The following CFAP410 variants were observed in gnomAD, a reference collection of about 807,000 sequenced individuals.
CFAP410 encodes the protein cilia- and flagella-associated protein 410.
In CFAP410, 27 loss-of-function variants were observed where a neutral mutation model predicts 25.7. The observed-to-expected ratio is 1.05, with a 90% CI of 0.77 to 1.45. The LOEUF is 1.45. CFAP410 is among the 40% of genes most tolerant of loss of function. The probability of loss-of-function intolerance (pLI) is 0.00; values close to 1 mark genes in which losing one functional copy is unlikely to be tolerated. For missense variants in CFAP410, 428 were observed against 354.1 expected, an observed-to-expected ratio of 1.21 and a Z score of -1.67; for synonymous variants, 178 against 158.4, an observed-to-expected ratio of 1.12 and a Z score of -0.93.
chr21:44,339,066 GCCCCGGCTCCTCCCCCCA>G (rs2047816898), intron 1 of CFAP410, 34 bp downstream of exon 1: 2 of 1,091,366 alleles, frequency 1.8e-6, no homozygotes, highest in South Asian at 2.0e-5. Context: ...CCCTCGCCCC[GCCCCGGCTCCTCCCCCCA>G]CCCCGGGGCG....
chr21:44,333,973 G>A (rs551692194), intron 3 of CFAP410: 2 of 396,466 alleles, frequency 5.0e-6, no homozygotes, highest in African/African-American at 2.0e-5. Context: ...GCAGCCTGCC[G>A]TCCTGAGCCC....
At position 44,330,315 on chromosome 21, in the gene CFAP410, A is replaced by G. The variant is rs2146054003; in HGVS notation, c.654T>C (p.Thr218=). The G allele has an allele frequency of 6.2e-7, 1 of 1,610,554 alleles. No homozygotes were observed. The highest frequency in any genetic ancestry group is 1.1e-5 in the South Asian group (1 of 90,952). The change falls in exon 7 of 7, where the codon ACT becomes ACC. Residue 218 remains threonine (T), a synonymous_variant. Transcript: ENST00000339818. ...GCTCCCGCAGCAGCAGCAGGATGGC[A>G]GTCAGGACGTTCTGAGGGCAGAGGG... The part of the protein sequence containing the change: ...SSSHRGRNVL[T]AILLLLRELD...
At chr21:44,333,691 G>A (rs557362272) in intron 3 of CFAP410, 2 of 302,790 alleles carry the variant, frequency 6.6e-6, no homozygotes, top group South Asian at 3.5e-5. Flanking sequence ...AGTGAGCACG[G>A]ACCTTCCAAA....
intron 3 of CFAP410, chr21:44,333,601 A>T (rs2047693937): frequency 4.6e-6 from 2 of 430,278 alleles, no homozygotes; most frequent in Non-Finnish European, 8.4e-6. Flanking sequence ...CTCTCAGGGG[A>T]CATATCATGT....
intron 5 of CFAP410, chr21:44,331,493 C>T (rs2047647253): frequency 3.0e-6 from 1 of 331,434 alleles, no homozygotes; most frequent in Non-Finnish European, 5.6e-6. Flanking sequence ...TGCCCACAAA[C>T]CATTCCAGTC....
At chr21:44,333,487 C>T in intron 3 of CFAP410, 2 of 590,304 alleles carry the variant, frequency 3.4e-6, no homozygotes, top group South Asian at 4.2e-5. Flanking sequence ...TGGACCCCAC[C>T]AGCAACAGCC....
chr21:44,331,419 CAG>C (rs1280610631), intron 5 of CFAP410: 6 of 251,058 alleles, frequency 2.4e-5, no homozygotes, highest in Non-Finnish European at 4.6e-5. Context: ...CGTCTCACTG[CAG>C]AGTCAGCCCT....
chr21:44,331,662 A>G, intron 5 of CFAP410, 181 bp downstream of exon 5: 1 of 605,336 alleles, frequency 1.7e-6, no homozygotes, highest in East Asian at 3.2e-5. Context: ...TGCCACTGAA[A>G]TCACTACCTG....
rs770130993 is a variant in CFAP410 at position 44,331,997 on chromosome 21, GCTC to G, written c.388_390del (p.Glu130del). ...TCTCCCTCACTCAGTGCACGGGACA[GCTC>G]CTCCTCCGTCACAGCTTTGGGATGA... is the stretch of plus-strand genomic sequence containing the variant. On this transcript the variant is annotated inframe_deletion, in exon 5 of 7. Transcript: ENST00000339818. 4 of 1,603,338 alleles carry G rather than the reference GCTC, an allele frequency of 2.5e-6. No individual in the cohort carries two copies. In the South Asian group the frequency reaches 3.3e-5, roughly 13 times the overall value.
At position 44,335,918 on chromosome 21, in the gene CFAP410, G is replaced by A. The variant is rs994841061; in HGVS notation, c.97-114C>T. On this transcript the variant is annotated intron_variant, in intron 2 of 6. Coordinates refer to ENST00000339818, the MANE Select transcript of CFAP410 (RefSeq NM_004928.3). ...CGGCCAACCCACTTCCGGGGCCTGAGGGGCACGGCCTTACTCAGCCAGTGT... is the reference window on the plus strand; with the variant it reads ...CGGCCAACCCACTTCCGGGGCCTGAAGGGCACGGCCTTACTCAGCCAGTGT... The A allele has an allele frequency of 6.3e-6, 5 of 792,592 alleles. No homozygotes were observed. In the African/African-American group the frequency reaches 8.5e-5, roughly 13 times the overall value. 49.1% of individuals were successfully genotyped at this position (792,592 alleles called of 1,614,324 possible).
At chr21:44,332,944 G>C (rs997731276) in intron 4 of CFAP410, 89 bp downstream of exon 4, 1 of 867,792 alleles carries the variant, frequency 1.2e-6, no homozygotes, top group Non-Finnish European at 1.8e-6. Flanking sequence ...CCAGGTATTT[G>C]CAGAAAAGGA....
At chr21:44,332,677 G>T (rs1284036810) in intron 4 of CFAP410, 3 of 288,450 alleles carry the variant, frequency 1.0e-5, no homozygotes, top group South Asian at 6.9e-5. Flanking sequence ...GATGCTGCTT[G>T]CCAGATACTG....
chr21:44,331,207 C>T (rs774926631), intron 5 of CFAP410: 1 of 512,662 alleles, frequency 2.0e-6, no homozygotes, highest in Non-Finnish European at 3.5e-6. Context: ...GTGGGGGGCA[C>T]CCGAACACAC....
chr21:44,338,302 G>A (rs1006457344), intron 1 of CFAP410: 9 of 1,288,984 alleles, frequency 7.0e-6, no homozygotes, highest in African/African-American at 6.1e-5. Context: ...CCGCCTGCAC[G>A]GTGAGGCCAG....
chr21:44,334,096 G>C (rs1249153391), intron 3 of CFAP410: 1 of 456,218 alleles, frequency 2.2e-6, no homozygotes, highest in Admixed American at 2.3e-5. Context: ...CTCTTTCCAG[G>C]ATGGGGTCTG....
Position 44,333,188 on chromosome 21 carries a change from C to T in CFAP410, c.218G>A (p.Arg73His), listed in dbSNP as rs140451304. 2.5e-5 allele frequency: 40 copies of T among 1,612,638 alleles called. No individual in the cohort carries two copies. The highest frequency in any genetic ancestry group is 1.6e-4 in the Middle Eastern group (1 of 6,082). Reference protein sequence around the residue: ...RLSELYLRRNRIPSLAELFYL... With the variant: ...RLSELYLRRNHIPSLAELFYL... ...GAAGAGCTCAGCCAGGCTGGGGATGCGGTTCCTCCGCAGGTACAGCTCACT... is the reference window on the plus strand; with the variant it reads ...GAAGAGCTCAGCCAGGCTGGGGATGTGGTTCCTCCGCAGGTACAGCTCACT... The change falls in exon 4 of 7, where the codon CGC becomes CAC. Residue 73 changes from arginine (R) to histidine (H), a missense_variant. Arg to His is a conservative substitution (Grantham distance 29). Coordinates refer to ENST00000339818, the MANE Select transcript of CFAP410 (RefSeq NM_004928.3).
rs913137201 is a variant in CFAP410 at position 44,330,049 on chromosome 21, C to A, written c.*149G>T. 4 of 863,170 alleles carry A rather than the reference C, an allele frequency of 4.6e-6. No individual in the cohort carries two copies. The African/African-American group carries it at 5.0e-5, about 11-fold the overall frequency. The allele number at this position is 863,170 out of a possible 1,614,324, so 53.5% of individuals were successfully genotyped here. A position where few individuals can be genotyped will look rare whatever the true frequency, so the allele number is the denominator to read the frequency against. ...CGCCCCGGTTAGCCAGTACCTAACA[C>A]CCACTCCTGCCCTCGGCCGATGTGG... On this transcript the variant is annotated 3_prime_UTR_variant, in exon 7 of 7. Coordinates refer to ENST00000339818, the MANE Select transcript of CFAP410 (RefSeq NM_004928.3).
At position 44,330,798 on chromosome 21, in the gene CFAP410, C is replaced by T. The variant is rs771051593; in HGVS notation, c.642+25G>A. ...TGGGTGCAGTGGGCAGAGGCAGCCG[C>T]GGCCCCTAGCGGCCCGCCACTCACC... On this transcript the variant is annotated intron_variant, in intron 6 of 6. Coordinates refer to ENST00000339818, the MANE Select transcript of CFAP410 (RefSeq NM_004928.3). 7.6e-5 allele frequency: 119 copies of T among 1,569,930 alleles called. 1 individual carries two copies. Among genetic ancestry groups the T allele is most frequent in the South Asian group, 2.2e-4 (19 of 86,008 alleles).
chr21:44,337,558 A>G lies in CFAP410; in HGVS notation c.96+91T>C, dbSNP rs1293075820. The G allele has an allele frequency of 4.1e-6, 5 of 1,233,872 alleles. No homozygotes were observed. In the Admixed American group the frequency reaches 1.0e-4, roughly 25 times the overall value. 76.4% of individuals were successfully genotyped at this position (1,233,872 alleles called of 1,614,324 possible). A position where few individuals can be genotyped will look rare whatever the true frequency, so the allele number is the denominator to read the frequency against. ...TGATAGGTGCAGTTTTGTCAACTTAAAAATTCTCTTGGGAAAGAAGCTACA... is the reference window on the plus strand; with the variant it reads ...TGATAGGTGCAGTTTTGTCAACTTAGAAATTCTCTTGGGAAAGAAGCTACA... On this transcript the variant is annotated intron_variant, in intron 2 of 6. Transcript: ENST00000339818.
Sources: gnomAD v4.1 joint callset for allele counts on GRCh38, gnomAD v4.1.1 for gene constraint, MANE v1.5 for transcripts, NCBI Gene and HGNC (gene_info 2026-07-23, HGNC 2026-07-21) for gene names.